Variants in SPAG16 observed in about 807,000 individuals in gnomAD.
SPAG16 encodes sperm-associated antigen 16 protein.
A neutral mutation model predicts 80.4 loss-of-function variants in SPAG16; 86 were observed. The ratio of observed to expected loss-of-function variants is 1.07; its 90% CI spans 0.90 to 1.28. SPAG16 has a LOEUF of 1.28. SPAG16 is among the 50% of genes most tolerant of loss of function. SPAG16 has a pLI of 0.00. For missense variants in SPAG16, 870 were observed against 765.3 expected, an observed-to-expected ratio of 1.14 and a Z score of -1.61; for synonymous variants, 294 against 265.9, an observed-to-expected ratio of 1.11 and a Z score of -1.03.
intron 15 of SPAG16, among the ~76,000 whole-genome samples, chr2:214,169,333 A>G (rs981112931): frequency 5.3e-5 from 8 of 152,058 alleles, no homozygotes; most frequent in Non-Finnish European, 1.5e-5. Flanking sequence ...TCCTTTATTC[A>G]AAGGAAGTAA....
intron 1 of SPAG16, among the ~76,000 whole-genome samples, chr2:213,290,166 T>C (rs1314185338): frequency 6.6e-6 from 1 of 152,206 alleles, no homozygotes; most frequent in Non-Finnish European, 1.5e-5. Flanking sequence ...TGGTGCAGGC[T>C]CTGCTAGTGC....
chr2:214,007,053 T>C (rs2047058573), intron 12 of SPAG16, among the ~76,000 whole-genome samples: 1 of 152,226 alleles, frequency 6.6e-6, no homozygotes, highest in Non-Finnish European at 1.5e-5. Flanking sequence ...ATTTTACCAA[T>C]AGTGTATATC....
chr2:214,337,326 C>G (rs915643023), intron 15 of SPAG16, among the ~76,000 whole-genome samples: 7 of 152,142 alleles, frequency 4.6e-5, no homozygotes, highest in African/African-American at 1.4e-4. Context: ...TTAACCCTGA[C>G]CTAACCATTA....
intron 10 of SPAG16, among the ~76,000 whole-genome samples, chr2:213,842,492 T>C (rs1433629242): frequency 6.6e-6 from 1 of 152,114 alleles, no homozygotes. Context: ...TTGGCACTTA[T>C]ATAAGTTTAC....
intron 8 of SPAG16, among the ~76,000 whole-genome samples, chr2:213,374,370 T>C (rs1303766460): frequency 6.6e-6 from 1 of 152,094 alleles, no homozygotes; most frequent in African/African-American, 2.4e-5. Flanking sequence ...ATAACCTTAG[T>C]TTTTTGCAAT....
chr2:214,006,176 A>G (rs1468562337), intron 12 of SPAG16, among the ~76,000 whole-genome samples: 7 of 152,158 alleles, frequency 4.6e-5, no homozygotes, highest in African/African-American at 1.4e-4. Flanking sequence ...TCAATGTTTC[A>G]TAATTCTATT....
At chr2:213,976,424 C>T (rs2045411264) in intron 12 of SPAG16, among the ~76,000 whole-genome samples, 1 of 151,692 alleles carries the variant, frequency 6.6e-6, no homozygotes, top group South Asian at 2.1e-4. Context: ...AACAGGTCTC[C>T]TCTCACACAC....
At chr2:214,056,132 ACT>A (rs1319881445) in intron 13 of SPAG16, among the ~76,000 whole-genome samples, 1 of 152,118 alleles carries the variant, frequency 6.6e-6, no homozygotes, top group Admixed American at 6.6e-5. Flanking sequence ...TACCCCCTTT[ACT>A]ATATGTGTGT....
At chr2:213,386,841 A>G (rs1217565129) in intron 9 of SPAG16, among the ~76,000 whole-genome samples, 2 of 152,206 alleles carry the variant, frequency 1.3e-5, no homozygotes, top group Admixed American at 6.5e-5. Flanking sequence ...CTTTGTAAAG[A>G]TAACTAAATA....
intron 15 of SPAG16, among the ~76,000 whole-genome samples, chr2:214,226,016 G>A (rs1042973928): frequency 3.9e-5 from 6 of 152,094 alleles, no homozygotes; most frequent in South Asian, 4.1e-4. Flanking sequence ...CCAACAGTGG[G>A]ACTTCAACCA....
intron 15 of SPAG16, among the ~76,000 whole-genome samples, chr2:214,329,783 A>G (rs1047273737): frequency 3.3e-5 from 5 of 152,330 alleles, no homozygotes; most frequent in Admixed American, 2.6e-4. Context: ...TCAATGCAAC[A>G]GTACCCTGTA....
chr2:214,178,130 A>C (rs2057188688), intron 15 of SPAG16, among the ~76,000 whole-genome samples: 2 of 147,940 alleles, frequency 1.4e-5, no homozygotes, highest in African/African-American at 5.0e-5. Context: ...TTATTAACCC[A>C]AATTAGCTTA....
chr2:213,733,069 C>A (rs2067124077), intron 10 of SPAG16, among the ~76,000 whole-genome samples: 1 of 152,140 alleles, frequency 6.6e-6, no homozygotes, highest in Non-Finnish European at 1.5e-5. Flanking sequence ...AATAGCCATT[C>A]TGACTGGTGT....
chr2:213,926,345 A>G (rs548882879), intron 11 of SPAG16, among the ~76,000 whole-genome samples: 1 of 152,188 alleles, frequency 6.6e-6, no homozygotes, highest in African/African-American at 2.4e-5. Context: ...TCACCCAAGC[A>G]GTATGCACTT....
rs2072558221 is a variant in SPAG16, at chr2:213,464,377, A to T, written c.943-25586A>T. Among the ~76,000 whole-genome samples, 3 of 152,210 alleles carry T rather than the reference A, an allele frequency of 2.0e-5. No homozygotes were observed. The South Asian group carries it at 6.2e-4, about 31-fold the overall frequency. ...TTCCCAAGGAATGTGGTCTCCAAGC[A>T]CCATGAAGATGGTACTGTATACCTA... On this transcript the variant is annotated intron_variant, in intron 9 of 15. Transcript: ENST00000331683.
chr2:213,690,657 G>C (rs1574826648), intron 10 of SPAG16, among the ~76,000 whole-genome samples: 1 of 152,174 alleles, frequency 6.6e-6, no homozygotes, highest in East Asian at 1.9e-4. Flanking sequence ...TGCCAGTGCA[G>C]GTAGAACAAA....
intron 9 of SPAG16, among the ~76,000 whole-genome samples, chr2:213,378,775 G>T (rs2067018563): frequency 6.6e-6 from 1 of 152,152 alleles, no homozygotes; most frequent in Non-Finnish European, 1.5e-5. Context: ...TTTCCTGGTG[G>T]AGTGACCCAA....
intron 10 of SPAG16, among the ~76,000 whole-genome samples, chr2:213,524,978 TC>T (rs2075832525): frequency 6.6e-6 from 1 of 152,134 alleles, no homozygotes; most frequent in East Asian, 1.9e-4. Context: ...TTTGGCTGTT[TC>T]CCCACCCAAA....
intron 9 of SPAG16, among the ~76,000 whole-genome samples, chr2:213,400,264 C>T (rs1275486121): frequency 6.6e-6 from 1 of 152,124 alleles, no homozygotes; most frequent in Admixed American, 6.5e-5. Context: ...GGCTTTTCTA[C>T]TATTTTAAGT....
Sources: gnomAD v4.1 joint callset for allele counts (sites outside exome capture counted in the v4.1 genomes callset) on GRCh38, gnomAD v4.1.1 for gene constraint, MANE v1.5 for transcripts, NCBI Gene and HGNC (gene_info 2026-07-23, HGNC 2026-07-21) for gene names.